AP4E1: variants seen among roughly 807,000 people sequenced by gnomAD.
AP4E1 encodes the protein adaptor related protein complex 4 subunit epsilon 1, also known as AP-4 complex subunit epsilon-1.
A neutral mutation model predicts 128.2 loss-of-function variants in AP4E1; 56 were observed. The ratio of observed to expected loss-of-function variants is 0.44; its 90% CI spans 0.35 to 0.55. The LOEUF is 0.55. AP4E1 is among the 20% of genes least tolerant of loss of function. AP4E1 has a pLI of 0.00. For missense variants in AP4E1, 1,324 were observed against 1,307.7 expected, an observed-to-expected ratio of 1.01 and a Z score of -0.19; for synonymous variants, 484 against 473.1, an observed-to-expected ratio of 1.02 and a Z score of -0.30.
rs1446003462 is a variant in AP4E1, at chr15:50,925,053, T to G, written c.421-45T>G. The G allele has an allele frequency of 1.9e-6, 3 of 1,611,570 alleles. No individual in the cohort carries two copies. In the African/African-American group the frequency reaches 4.0e-5, roughly 22 times the overall value. ...CAGTGTTGAATTTGCCATTCCTAGTTTCAGTATTTACACTAAATGTTTTCT... is the reference window on the plus strand; with the variant it reads ...CAGTGTTGAATTTGCCATTCCTAGTGTCAGTATTTACACTAAATGTTTTCT... On this transcript the variant is annotated intron_variant, in intron 4 of 20. Coordinates refer to ENST00000261842, the MANE Select transcript of AP4E1 (RefSeq NM_007347.5).
intron 8 of AP4E1, among the ~76,000 whole-genome samples, chr15:50,939,759 C>A (rs778549275): frequency 3.3e-5 from 5 of 151,974 alleles, no homozygotes. Flanking sequence ...AATTTAATAG[C>A]AAGAGAGTTC....
At chr15:50,974,032 C>T (rs1176040886) in intron 15 of AP4E1, among the ~76,000 whole-genome samples, 1 of 152,206 alleles carries the variant, frequency 6.6e-6, no homozygotes, top group African/African-American at 2.4e-5. Flanking sequence ...GTGGTACGAT[C>T]TCAGCTCACT....
chr15:50,964,955 CCACACACACACA>C (rs55825810), intron 14 of AP4E1, among the ~76,000 whole-genome samples: 16 of 131,458 alleles, frequency 1.2e-4, no homozygotes, highest in Non-Finnish European at 1.6e-4. Flanking sequence ...CCTCCCCCTA[CCACACACACACA>C]CACACACACA....
At position 50,997,487 on chromosome 15, in the gene AP4E1, C is replaced by T. The variant is rs369673380; in HGVS notation, c.2508C>T (p.His836=). 1.7e-5 allele frequency: 28 copies of T among 1,613,860 alleles called. 1 individual carries two copies. Among genetic ancestry groups the T allele is most frequent in the South Asian group, 3.3e-5 (3 of 91,072 alleles). The change falls in exon 18 of 21, where the codon CAC becomes CAT. Residue 836 remains histidine, a synonymous_variant. Transcript: ENST00000261842. ...ATGATTATTATTCGAATACTTTGCACGATACAGGAGACAAGGAATTAAAGA... is the reference window on the plus strand; with the variant it reads ...ATGATTATTATTCGAATACTTTGCATGATACAGGAGACAAGGAATTAAAGA... ...YEDDYYSNTL[H]DTGDKELKKF...
At chr15:50,967,704 C>T (rs1217862165) in intron 14 of AP4E1, among the ~76,000 whole-genome samples, 2 of 152,186 alleles carry the variant, frequency 1.3e-5, no homozygotes, top group Admixed American at 6.5e-5. Flanking sequence ...AAAATATATT[C>T]TCCACTGCAG....
At chr15:50,939,140 A>C (rs1468227499) in intron 8 of AP4E1, among the ~76,000 whole-genome samples, 1 of 152,198 alleles carries the variant, frequency 6.6e-6, no homozygotes, top group East Asian at 1.9e-4. Context: ...AGAGTACTGA[A>C]GAGTAACCAA....
intron 3 of AP4E1, among the ~76,000 whole-genome samples, chr15:50,923,474 A>C (rs537965862): frequency 6.6e-6 from 1 of 152,170 alleles, no homozygotes; most frequent in South Asian, 2.1e-4. Context: ...GTGCGTTGAC[A>C]TTAGGTGGCT....
At chr15:50,947,266 A>AT (rs2064074598) in intron 10 of AP4E1, among the ~76,000 whole-genome samples, 1 of 151,978 alleles carries the variant, frequency 6.6e-6, no homozygotes, top group African/African-American at 2.4e-5. Context: ...ATACCAAAAA[A>AT]TTAGCTGGGC....
chr15:50,921,474 A>G (rs1185864046), intron 3 of AP4E1, among the ~76,000 whole-genome samples: 2 of 151,708 alleles, frequency 1.3e-5, no homozygotes. Context: ...TCAGCCTCCC[A>G]AGTAGCTGGG....
intron 13 of AP4E1, among the ~76,000 whole-genome samples, chr15:50,958,151 C>A (rs1202302045): frequency 6.6e-6 from 1 of 152,054 alleles, no homozygotes; most frequent in Middle Eastern, 3.2e-3. Flanking sequence ...GTAGTAAGAA[C>A]CATCATTACA....
Position 51,005,210 on chromosome 15 carries a change from TTCTCTTTACCTA to T in AP4E1, c.*2549_*2560del, listed in dbSNP as rs1281063305. 35 of 152,478 alleles carry T rather than the reference TTCTCTTTACCTA, an allele frequency of 2.3e-4. No individual in the cohort carries two copies. Among genetic ancestry groups the T allele is most frequent in the Admixed American group, 2.1e-3 (32 of 15,300 alleles). 9.4% of individuals were successfully genotyped at this position (152,478 alleles called of 1,614,324 possible). A position where few individuals can be genotyped will look rare whatever the true frequency, so the allele number is the denominator to read the frequency against. On this transcript the variant is annotated 3_prime_UTR_variant, in exon 21 of 21. Transcript: ENST00000261842. ...CAAATTATTTTTGTGGGTAGATTCA[TTCTCTTTACCTA>T]ATAGTCATAATTTAGTCAGTGAAGG...
chr15:50,922,169 A>C (rs2063712235), intron 3 of AP4E1, among the ~76,000 whole-genome samples: 1 of 149,902 alleles, frequency 6.7e-6, no homozygotes, highest in African/African-American at 2.4e-5. Context: ...TCTACAAAAA[A>C]AAAAAAAAAA....
intron 14 of AP4E1, among the ~76,000 whole-genome samples, chr15:50,965,710 A>T (rs2140889735): frequency 6.6e-6 from 1 of 152,170 alleles, no homozygotes; most frequent in South Asian, 2.1e-4. Flanking sequence ...GTGTCATTTT[A>T]TTCCTCCTCT....
intron 15 of AP4E1, among the ~76,000 whole-genome samples, chr15:50,974,284 T>G (rs2064522662): frequency 1.4e-5 from 2 of 144,970 alleles, no homozygotes; most frequent in African/African-American, 5.2e-5. Flanking sequence ...TTTTTTTTTT[T>G]GAGACAGTGT....
At chr15:50,944,895 C>G in intron 10 of AP4E1, 1 of 809,334 alleles carries the variant, frequency 1.2e-6, no homozygotes, top group African/African-American at 1.7e-5. Context: ...TCCAAAGAAC[C>G]TGGCTACTGT....
chr15:50,968,180 T>G (rs779752498), intron 14 of AP4E1, 83 bp from the exon 15 acceptor site: 3 of 937,896 alleles, frequency 3.2e-6, no homozygotes, highest in Non-Finnish European at 4.9e-6. Context: ...AAAATATATA[T>G]GGGCTGAAAT....
intron 15 of AP4E1, among the ~76,000 whole-genome samples, chr15:50,974,221 T>G (rs1383804828): frequency 6.6e-6 from 1 of 151,830 alleles, no homozygotes; most frequent in African/African-American, 2.4e-5. Context: ...CTGTCTTGGC[T>G]TCCCAAAGTG....
rs953965291 is a variant in AP4E1 at position 50,997,424 on chromosome 15, T to C, written c.2445T>C (p.Cys815=). The C allele has an allele frequency of 3.1e-6, 5 of 1,613,460 alleles. No individual in the cohort carries two copies. Among genetic ancestry groups the C allele is most frequent in the Non-Finnish European group, 4.2e-6 (5 of 1,179,758 alleles). ...GETTSTHNMT[C]SSFSSLSNVA... is the part of the protein sequence containing the mutation. ...CAACCAGTACTCATAATATGACCTGTTCTTCCTTTAGTTCTTTGTCAAATG... is the reference window on the plus strand; with the variant it reads ...CAACCAGTACTCATAATATGACCTGCTCTTCCTTTAGTTCTTTGTCAAATG... The change falls in exon 18 of 21, where the codon TGT becomes TGC. Residue 815 remains cysteine, a synonymous_variant. Coordinates refer to ENST00000261842, the MANE Select transcript of AP4E1 (RefSeq NM_007347.5).
chr15:50,952,273 T>G (rs1047544116), intron 13 of AP4E1, among the ~76,000 whole-genome samples: 6 of 151,740 alleles, frequency 4.0e-5, no homozygotes, highest in Admixed American at 3.9e-4. Flanking sequence ...CACTTTGGGA[T>G]GCCGAGGTGG....
Sources: allele counts gnomAD v4.1 joint callset (sites outside exome capture counted in the v4.1 genomes callset), GRCh38; gene constraint gnomAD v4.1.1; transcripts MANE v1.5; gene names NCBI Gene and HGNC (gene_info 2026-07-23, HGNC 2026-07-21).